PTPRD: variants seen among roughly 807,000 people sequenced by gnomAD.
PTPRD encodes receptor-type tyrosine-protein phosphatase delta.
PTPRD carries 34 observed loss-of-function variants against 214.5 expected under a neutral mutation model. The observed-to-expected ratio is 0.16, with a 90% CI of 0.12 to 0.21. PTPRD has a LOEUF of 0.21. PTPRD is among the 10% of genes least tolerant of loss of function. The pLI is 1.00. For synonymous variants in PTPRD, 1,128 were observed against 845.7 expected (o/e 1.33, Z -5.79); for missense variants, 2,545 against 2,398.7 (o/e 1.06, Z -1.27).
At chr9:8,476,985 T>G (rs764534258) in intron 30 of PTPRD, among the ~76,000 whole-genome samples, 1 of 152,204 alleles carries the variant, frequency 6.6e-6, no homozygotes, top group African/African-American at 2.4e-5. Flanking sequence ...GGCCTACTCG[T>G]GACCCTTGTT....
chr9:9,952,996 G>GA (rs960462753), intron 4 of PTPRD, among the ~76,000 whole-genome samples: 4 of 152,092 alleles, frequency 2.6e-5, no homozygotes, highest in Non-Finnish European at 5.9e-5. Flanking sequence ...GTGGAAGCCA[G>GA]AAAAAATCCT....
At chr9:9,853,389 C>G (rs2060912974) in intron 5 of PTPRD, among the ~76,000 whole-genome samples, 1 of 152,090 alleles carries the variant, frequency 6.6e-6, no homozygotes, top group Non-Finnish European at 1.5e-5. Context: ...GAACAACATT[C>G]TTGTTTCAGG....
intron 3 of PTPRD, among the ~76,000 whole-genome samples, chr9:10,114,839 C>T (rs1410136432): frequency 6.6e-6 from 1 of 151,782 alleles, no homozygotes; most frequent in Non-Finnish European, 1.5e-5. Flanking sequence ...GTTATAGTCC[C>T]AACTTTTAGA....
intron 11 of PTPRD, among the ~76,000 whole-genome samples, chr9:8,945,639 G>C (rs571950879): frequency 6.6e-6 from 1 of 152,052 alleles, no homozygotes; most frequent in African/African-American, 2.4e-5. Flanking sequence ...TGGTATTCAA[G>C]GCCTCTCTCA....
intron 9 of PTPRD, among the ~76,000 whole-genome samples, chr9:9,343,299 T>C (rs1419468956): frequency 1.3e-5 from 2 of 152,136 alleles, no homozygotes; most frequent in Non-Finnish European, 2.9e-5. Flanking sequence ...CCTTGAAGAA[T>C]CCCAACTGTC....
intron 12 of PTPRD, among the ~76,000 whole-genome samples, chr9:8,721,899 C>T (rs2098503230): frequency 6.6e-6 from 1 of 152,194 alleles, no homozygotes; most frequent in Admixed American, 6.5e-5. Context: ...TCTCTCCTAA[C>T]CTCTGCTCCA....
intron 8 of PTPRD, among the ~76,000 whole-genome samples, chr9:9,469,834 C>G (rs1040522658): frequency 1.3e-5 from 2 of 152,066 alleles, no homozygotes; most frequent in Non-Finnish European, 2.9e-5. Flanking sequence ...AATGAAAAAT[C>G]AAATGCAGTC....
At chr9:9,132,009 G>A (rs1370260472) in intron 10 of PTPRD, among the ~76,000 whole-genome samples, 1 of 151,600 alleles carries the variant, frequency 6.6e-6, no homozygotes, top group Non-Finnish European at 1.5e-5. Context: ...TTGTTTGTTT[G>A]TTTGTTTGTT....
intron 9 of PTPRD, among the ~76,000 whole-genome samples, chr9:9,284,804 C>T (rs1021907079): frequency 1.3e-4 from 19 of 151,840 alleles, no homozygotes; most frequent in Admixed American, 1.3e-3. Context: ...TAACCTTAAC[C>T]TTTCCCAGCT....
At chr9:9,113,877 C>A (rs1035873378) in intron 10 of PTPRD, among the ~76,000 whole-genome samples, 2 of 152,068 alleles carry the variant, frequency 1.3e-5, no homozygotes, top group African/African-American at 4.8e-5. Context: ...TAGCAATATG[C>A]TATAGTAAGG....
chr9:10,558,296 A>ATT (rs780542582), intron 2 of PTPRD, among the ~76,000 whole-genome samples: 2 of 152,198 alleles, frequency 1.3e-5, no homozygotes, highest in African/African-American at 4.8e-5. Flanking sequence ...CATCTTTGAT[A>ATT]TAGATCATTT....
At chr9:10,029,038 A>G (rs1471551753) in intron 4 of PTPRD, among the ~76,000 whole-genome samples, 1 of 152,210 alleles carries the variant, frequency 6.6e-6, no homozygotes. Context: ...GTTGTGGCTG[A>G]AAGGGGCCAA....
chr9:9,443,711 A>G (rs1307435466), intron 8 of PTPRD, among the ~76,000 whole-genome samples: 1 of 152,106 alleles, frequency 6.6e-6, no homozygotes, highest in Non-Finnish European at 1.5e-5. Flanking sequence ...CGCTGAAGCT[A>G]TTCTGTATCT....
intron 39 of PTPRD, among the ~76,000 whole-genome samples, chr9:8,364,031 ATTTG>A (rs1258345523): frequency 1.3e-5 from 2 of 152,244 alleles, no homozygotes; most frequent in African/African-American, 2.4e-5. Context: ...CTTGCTAAAC[ATTTG>A]TTTATTTATA....
intron 10 of PTPRD, among the ~76,000 whole-genome samples, chr9:9,165,139 C>T (rs1455415656): frequency 6.6e-6 from 1 of 151,536 alleles, no homozygotes; most frequent in African/African-American, 2.4e-5. Flanking sequence ...ACTTCATCTA[C>T]CTGAAAGACA....
At chr9:10,559,067 A>G (rs2063261800) in intron 2 of PTPRD, among the ~76,000 whole-genome samples, 1 of 152,164 alleles carries the variant, frequency 6.6e-6, no homozygotes, top group Non-Finnish European at 1.5e-5. Flanking sequence ...CAACTTCATG[A>G]GAGTAAAAAC....
At chr9:8,454,953 T>C (rs944027044) in intron 33 of PTPRD, among the ~76,000 whole-genome samples, 2 of 152,086 alleles carry the variant, frequency 1.3e-5, no homozygotes, top group African/African-American at 4.8e-5. Flanking sequence ...TTAAAAAACA[T>C]GCTATGAGAA....
chr9:10,147,227 C>G (rs1280339458), intron 3 of PTPRD, among the ~76,000 whole-genome samples: 1 of 151,864 alleles, frequency 6.6e-6, no homozygotes, highest in African/African-American at 2.4e-5. Flanking sequence ...AAGAGGAACA[C>G]TGGGGGAGGA....
chr9:9,474,059 C>T (rs1217253602), intron 8 of PTPRD, among the ~76,000 whole-genome samples: 1 of 151,844 alleles, frequency 6.6e-6, no homozygotes, highest in South Asian at 2.1e-4. Context: ...AAGTGTTTCC[C>T]CTATATTTAC....
Sources: gnomAD v4.1 joint callset for allele counts (sites outside exome capture counted in the v4.1 genomes callset) on GRCh38, gnomAD v4.1.1 for gene constraint, MANE v1.5 for transcripts, NCBI Gene and HGNC (gene_info 2026-07-23, HGNC 2026-07-21) for gene names.